FBN1: variants seen among roughly 807,000 people sequenced by gnomAD.
FBN1 encodes the protein fibrillin 1.
FBN1 carries 29 observed loss-of-function variants against 365.1 expected under a neutral mutation model. The ratio of observed to expected loss-of-function variants is 0.08; its 90% CI spans 0.06 to 0.11. The LOEUF (loss-of-function observed/expected upper bound fraction) is 0.11. FBN1 is among the 10% of genes least tolerant of loss of function. The probability of loss-of-function intolerance (pLI) is 1.00; values close to 1 mark genes in which losing one functional copy is unlikely to be tolerated. For missense variants in FBN1, 2,476 were observed against 3,703.2 expected, an observed-to-expected ratio of 0.67 and a Z score of 8.60; for synonymous variants, 1,210 against 1,270.5, an observed-to-expected ratio of 0.95 and a Z score of 1.01.
At chr15:48,643,847 G>A (rs1457127647) in intron 2 of FBN1, 1 of 152,162 alleles carries the variant, frequency 6.6e-6, no homozygotes, top group Non-Finnish European at 1.5e-5. Flanking sequence ...ACAGGAAAAT[G>A]ACAACCCTTA....
intron 8 of FBN1, among the ~76,000 whole-genome samples, chr15:48,527,903 T>C (rs1206124257): frequency 6.6e-6 from 1 of 152,230 alleles, no homozygotes; most frequent in Non-Finnish European, 1.5e-5. Context: ...GTAGAGAAAC[T>C]GCCAAGGGCA....
intron 6 of FBN1, among the ~76,000 whole-genome samples, chr15:48,573,945 T>C (rs1337113852): frequency 6.6e-6 from 1 of 152,242 alleles, no homozygotes; most frequent in Non-Finnish European, 1.5e-5. Context: ...AAACCCAGCC[T>C]TGGTGCAGCC....
intron 8 of FBN1, chr15:48,529,862 C>G (rs1174930896): frequency 1.4e-5 from 2 of 143,934 alleles, no homozygotes; most frequent in East Asian, 2.1e-4. Flanking sequence ...ATCCGCCGCC[C>G]GATCACAACT....
intron 55 of FBN1, among the ~76,000 whole-genome samples, chr15:48,432,192 A>G (rs2043027623): frequency 6.6e-6 from 1 of 152,068 alleles, no homozygotes; most frequent in South Asian, 2.1e-4. Context: ...TATTCTGCAT[A>G]TGATTAGGAC....
At position 48,413,336 on chromosome 15, in the gene FBN1, G is replaced by A. The variant is rs75329015; in HGVS notation, c.8052-593C>T. 9.7e-3 allele frequency among the ~76,000 whole-genome samples: 1,480 copies of A among 152,286 alleles called. 24 individuals carry two copies. Among genetic ancestry groups the A allele is most frequent in the African/African-American group, 0.034 (1,392 of 41,544 alleles). On this transcript the variant is annotated intron_variant, in intron 64 of 65. Transcript: ENST00000316623. Reference sequence around the variant, plus strand: ...TAATAATAAACTATGAAGATATGCCGTATATAAAATGCATGTATCAGAGTT... The same window carrying A: ...TAATAATAAACTATGAAGATATGCCATATATAAAATGCATGTATCAGAGTT...
Position 48,596,490 on chromosome 15 carries a change from T to G in FBN1, c.443-112A>C. 5.9e-6 allele frequency: 6 copies of G among 1,010,788 alleles called. No homozygotes were observed. The South Asian group carries it at 8.0e-5, about 13-fold the overall frequency. The allele number at this position is 1,010,788 out of a possible 1,614,324, so 62.6% of individuals were successfully genotyped here. On this transcript the variant is annotated intron_variant, in intron 5 of 65. Coordinates refer to ENST00000316623, the MANE Select transcript of FBN1 (RefSeq NM_000138.5). ...TAAAATGTCTAAAGTCACCCTGGTGTTTGTTTTGGACGGTCACTCTACAGT... is the reference window on the plus strand; with the variant it reads ...TAAAATGTCTAAAGTCACCCTGGTGGTTGTTTTGGACGGTCACTCTACAGT...
Position 48,503,913 on chromosome 15 carries a change from C to T in FBN1, c.1987G>A (p.Gly663Ser). 1 of 1,614,196 alleles carries T rather than the reference C, an allele frequency of 6.2e-7. No individual in the cohort carries two copies. Among genetic ancestry groups the T allele is most frequent in the Non-Finnish European group, 8.5e-7 (1 of 1,180,042 alleles). ...ATACACTGGCCTCTCTTGTATCCAC[C>T]ATAGCATGTGCTCCGCATGTGTGTG... is the stretch of plus-strand genomic sequence containing the variant. ...VDTHMRSTCY[G>S]GYKRGQCIKP... The change falls in exon 17 of 66, where the codon GGT (glycine) becomes AGT (serine). Residue 663 changes from glycine (G) to serine (S), a missense_variant. Physicochemically the swap from Gly to Ser is moderately conservative, Grantham distance 56 (BLOSUM62 0). Transcript: ENST00000316623.
chr15:48,472,720 G>C lies in FBN1; in HGVS notation c.4211-44C>G, dbSNP rs767589335. ...ACACGTTACTCTTCCTCGGTTAGGGGCTTTCTAATTCCTCAGGTCTATCAA... is the reference window on the plus strand; with the variant it reads ...ACACGTTACTCTTCCTCGGTTAGGGCCTTTCTAATTCCTCAGGTCTATCAA... On this transcript the variant is annotated intron_variant, in intron 34 of 65. Coordinates refer to ENST00000316623, the MANE Select transcript of FBN1 (RefSeq NM_000138.5). The C allele has an allele frequency of 2.5e-6, 4 of 1,613,732 alleles. No homozygotes were observed. The East Asian group carries it at 6.7e-5, about 27-fold the overall frequency.
At chr15:48,617,463 G>A (rs988242075) in intron 2 of FBN1, among the ~76,000 whole-genome samples, 8 of 152,250 alleles carry the variant, frequency 5.3e-5, no homozygotes, top group African/African-American at 1.7e-4. Context: ...GTGAGCCACC[G>A]TGCCCAGCCA....
At chr15:48,515,260 T>C in intron 12 of FBN1, 127 bp downstream of exon 12, 1 of 1,007,152 alleles carries the variant, frequency 9.9e-7, no homozygotes, top group Non-Finnish European at 1.5e-6. Context: ...TGAAAGATAA[T>C]TTAAATTTGT....
At chr15:48,498,658 T>A (rs1433978045) in intron 18 of FBN1, among the ~76,000 whole-genome samples, 1 of 152,086 alleles carries the variant, frequency 6.6e-6, no homozygotes, top group Admixed American at 6.6e-5. Flanking sequence ...TAGTGGAAGA[T>A]CCACAAGAGA....
At chr15:48,641,931 CTT>C (rs1196135879) in intron 2 of FBN1, 2 of 152,138 alleles carry the variant, frequency 1.3e-5, no homozygotes, top group Non-Finnish European at 2.9e-5. Context: ...ATGGGAAAGA[CTT>C]TGATCCAGCA....
At chr15:48,609,163 G>A (rs560140553) in intron 4 of FBN1, among the ~76,000 whole-genome samples, 18 of 152,304 alleles carry the variant, frequency 1.2e-4, no homozygotes, top group African/African-American at 4.1e-4. Flanking sequence ...TGGCTTCTCT[G>A]CCTCGTTCTA....
intron 58 of FBN1, among the ~76,000 whole-genome samples, chr15:48,427,015 T>C (rs375790650): frequency 2.0e-5 from 3 of 152,200 alleles, no homozygotes; most frequent in African/African-American, 4.8e-5. Context: ...GTAGTTACAG[T>C]TGATAAACAC....
intron 49 of FBN1, among the ~76,000 whole-genome samples, chr15:48,443,747 A>C (rs2043133667): frequency 6.6e-6 from 1 of 152,136 alleles, no homozygotes; most frequent in African/African-American, 2.4e-5. Context: ...AATGTCCTTC[A>C]CTTAATGATA....
intron 3 of FBN1, among the ~76,000 whole-genome samples, chr15:48,611,347 G>A (rs1158015968): frequency 2.0e-5 from 3 of 152,184 alleles, no homozygotes; most frequent in South Asian, 2.1e-4. Flanking sequence ...TGCAAGCTCC[G>A]TCTCCCAGGT....
intron 13 of FBN1, among the ~76,000 whole-genome samples, chr15:48,513,084 C>T (rs1200824574): frequency 6.6e-6 from 1 of 152,128 alleles, no homozygotes; most frequent in Non-Finnish European, 1.5e-5. Flanking sequence ...GTGGTGGAAC[C>T]TGAGATTCTG....
At position 48,487,179 on chromosome 15, in the gene FBN1, C is replaced by T. The variant is rs2043515171; in HGVS notation, c.3485G>A (p.Ser1162Asn). 1.2e-6 allele frequency: 2 copies of T among 1,614,040 alleles called. No individual in the cohort carries two copies. The highest frequency in any genetic ancestry group is 2.7e-5 in the African/African-American group (2 of 74,898). Reference protein sequence around the residue: ...ACIDINECELSAHLCPNGRCV... With the variant: ...ACIDINECELNAHLCPNGRCV... Reference sequence around the variant, plus strand: ...ACGGCCATTGGGGCACAGGTGTGCACTCAGCTCACATTCATTGATGTCTGT... The same window carrying T: ...ACGGCCATTGGGGCACAGGTGTGCATTCAGCTCACATTCATTGATGTCTGT... The change falls in exon 29 of 66, where the codon AGT (serine) becomes AAT (asparagine). Residue 1162 changes from serine to asparagine, a missense_variant. Transcript: ENST00000316623.
intron 6 of FBN1, among the ~76,000 whole-genome samples, chr15:48,549,348 C>A (rs2044123307): frequency 6.6e-6 from 1 of 152,216 alleles, no homozygotes; most frequent in Non-Finnish European, 1.5e-5. Context: ...GCTGGCTAGA[C>A]CTCAGGTGAC....
Sources: allele counts gnomAD v4.1 joint callset (sites outside exome capture counted in the v4.1 genomes callset), GRCh38; gene constraint gnomAD v4.1.1; transcripts MANE v1.5; gene names NCBI Gene and HGNC (gene_info 2026-07-23, HGNC 2026-07-21).